Variants in TTC28 observed in about 807,000 individuals in gnomAD.
The protein encoded by TTC28 is tetratricopeptide repeat domain 28, also known as tetratricopeptide repeat protein 28.
A neutral mutation model predicts 198.0 loss-of-function variants in TTC28; 61 were observed. The observed-to-expected ratio is 0.31, with a 90% CI of 0.25 to 0.38. The LOEUF (loss-of-function observed/expected upper bound fraction) is 0.38. Among genes scored for constraint, TTC28 ranks in the 10% least tolerant of loss-of-function variants. The pLI, the probability that TTC28 is intolerant of heterozygous loss-of-function variation, is 1.00. For missense variants in TTC28, 2,678 were observed against 3,164.0 expected (o/e 0.85, Z 3.69); for synonymous variants, 1,171 against 1,297.8 (o/e 0.90, Z 2.10).
chr22:28,532,416 T>C (rs1221420116), intron 2 of TTC28, among the ~76,000 whole-genome samples: 1 of 152,156 alleles, frequency 6.6e-6, no homozygotes, highest in Non-Finnish European at 1.5e-5. Flanking sequence ...CAATAATTAA[T>C]AGCTTACCAA....
intron 6 of TTC28, among the ~76,000 whole-genome samples, chr22:28,127,939 G>A (rs1016776778): frequency 6.8e-6 from 1 of 146,462 alleles, no homozygotes; most frequent in Non-Finnish European, 1.5e-5. Context: ...ATATTGCCCA[G>A]ACTGGTCTCA....
At chr22:28,618,596 C>T (rs1430493234) in intron 2 of TTC28, among the ~76,000 whole-genome samples, 1 of 149,220 alleles carries the variant, frequency 6.7e-6, no homozygotes, top group Non-Finnish European at 1.5e-5. Context: ...GCAGGAGAAT[C>T]GTTTGAACCT....
At chr22:28,451,853 ATAAT>A (rs2047782844) in intron 2 of TTC28, among the ~76,000 whole-genome samples, 1 of 152,188 alleles carries the variant, frequency 6.6e-6, no homozygotes, top group African/African-American at 2.4e-5. Flanking sequence ...TTGCTATTAT[ATAAT>A]TAATTGGGGG....
At chr22:28,202,918 CG>C (rs1427187327) in intron 5 of TTC28, among the ~76,000 whole-genome samples, 1 of 152,000 alleles carries the variant, frequency 6.6e-6, no homozygotes, top group Non-Finnish European at 1.5e-5. Flanking sequence ...ATAAACACTA[CG>C]GATACAGTTT....
At chr22:28,468,644 C>T (rs1037051059) in intron 2 of TTC28, among the ~76,000 whole-genome samples, 1 of 151,828 alleles carries the variant, frequency 6.6e-6, no homozygotes, top group Non-Finnish European at 1.5e-5. Flanking sequence ...CTGCCTCAGC[C>T]TCCAGAGTAG....
chr22:28,241,721 C>T (rs1220279843), intron 5 of TTC28, among the ~76,000 whole-genome samples: 3 of 151,728 alleles, frequency 2.0e-5, no homozygotes, highest in South Asian at 2.1e-4. Flanking sequence ...TTTGTAAGTT[C>T]GGAATTATAT....
At chr22:28,644,942 A>G (rs1298817395) in intron 1 of TTC28, among the ~76,000 whole-genome samples, 2 of 152,086 alleles carry the variant, frequency 1.3e-5, no homozygotes, top group Non-Finnish European at 2.9e-5. Flanking sequence ...TCAGGAGATC[A>G]AGACCATCCT....
intron 1 of TTC28, among the ~76,000 whole-genome samples, chr22:28,663,247 CA>C (rs527687773): frequency 3.3e-3 from 215 of 65,722 alleles, no homozygotes; most frequent in South Asian, 5.1e-3. Context: ...AACTCCGTCT[CA>C]AAAAAAAAAA....
intron 12 of TTC28, among the ~76,000 whole-genome samples, chr22:28,080,708 CCTTTT>C (rs1569125920): frequency 6.6e-6 from 1 of 152,136 alleles, no homozygotes; most frequent in African/African-American, 2.4e-5. Flanking sequence ...CCTTTTCTCT[CCTTTT>C]CTTTTGTTGC....
chr22:27,996,564 CT>C (rs2041171243), intron 16 of TTC28: 1 of 331,490 alleles, frequency 3.0e-6, no homozygotes, highest in Non-Finnish European at 5.7e-6. Context: ...TGAAATTCAT[CT>C]TTGTCTATCC....
intron 2 of TTC28, among the ~76,000 whole-genome samples, chr22:28,455,790 C>T (rs1412815755): frequency 6.6e-6 from 1 of 151,918 alleles, no homozygotes; most frequent in Non-Finnish European, 1.5e-5. Flanking sequence ...CATATCTACA[C>T]TTACATCTCA....
At chr22:28,260,730 C>A (rs1227356119) in intron 5 of TTC28, among the ~76,000 whole-genome samples, 2 of 152,078 alleles carry the variant, frequency 1.3e-5, no homozygotes, top group Non-Finnish European at 2.9e-5. Flanking sequence ...GATTTGGCAC[C>A]CAGTAAATCT....
chr22:28,393,021 T>G (rs572795640), intron 2 of TTC28, among the ~76,000 whole-genome samples: 1 of 151,962 alleles, frequency 6.6e-6, no homozygotes, highest in Non-Finnish European at 1.5e-5. Flanking sequence ...GGACCATAGG[T>G]GCAAACCACT....
intron 2 of TTC28, among the ~76,000 whole-genome samples, chr22:28,548,357 A>G (rs777452657): frequency 6.6e-6 from 1 of 152,242 alleles, no homozygotes; most frequent in African/African-American, 2.4e-5. Flanking sequence ...GAGGTAGGGT[A>G]AGCGGAGAGA....
At chr22:28,567,782 T>C (rs1410819974) in intron 2 of TTC28, among the ~76,000 whole-genome samples, 5 of 151,450 alleles carry the variant, frequency 3.3e-5, no homozygotes, top group African/African-American at 9.7e-5. Context: ...AAACCAGAAT[T>C]CAACGCAAAA....
In TTC28 at chr22:28,107,539, T is replaced by C. The variant is rs532865977; in HGVS notation, c.2306A>G (p.Lys769Arg). Reference protein sequence around the residue: ...ALGTAYRMIQKYDKALGYHTQ... With the variant: ...ALGTAYRMIQRYDKALGYHTQ... ...GTGATAACCCAGGGCCTTGTCATAC[T>C]TCTGGATCATTCGGTATGCAGTGCC... The change falls in exon 7 of 23, where the codon AAG (lysine) becomes AGG (arginine). Residue 769 changes from lysine (K) to arginine (R), a missense_variant. This residue lies in a region of TTC28 where 775 missense variants were observed against 845.9 expected (regional missense o/e 0.92). Transcript: ENST00000397906. 1 of 1,551,864 alleles carries C rather than the reference T, an allele frequency of 6.4e-7. No homozygotes were observed. The highest frequency in any genetic ancestry group is 8.7e-7 in the Non-Finnish European group (1 of 1,147,038).
intron 5 of TTC28, among the ~76,000 whole-genome samples, chr22:28,206,923 G>C (rs945845910): frequency 6.6e-6 from 1 of 152,132 alleles, no homozygotes; most frequent in Non-Finnish European, 1.5e-5. Context: ...GGAATCGGGT[G>C]GGGGTAGGAG....
chr22:28,207,256 C>G (rs1926504280), intron 5 of TTC28, among the ~76,000 whole-genome samples: 2 of 147,474 alleles, frequency 1.4e-5, no homozygotes, highest in Admixed American at 6.7e-5. Context: ...AAAAAACAGG[C>G]CTTCAATAAA....
intron 2 of TTC28, among the ~76,000 whole-genome samples, chr22:28,434,556 A>G (rs77216193): frequency 0.019 from 2,956 of 152,216 alleles, 29 homozygotes; most frequent in Non-Finnish European, 0.026. Flanking sequence ...AACAAAAACA[A>G]AAACTAATTA....
Sources: gnomAD v4.1 joint callset for allele counts (sites outside exome capture counted in the v4.1 genomes callset) on GRCh38, gnomAD v4.1.1 for gene constraint, gnomAD v4.1.1 regional missense constraint, MANE v1.5 for transcripts, NCBI Gene and HGNC (gene_info 2026-07-23, HGNC 2026-07-21) for gene names.